Variants in NIPBL observed in about 807,000 individuals in gnomAD.
The protein encoded by NIPBL is nipped-B-like protein.
A neutral mutation model predicts 321.8 loss-of-function variants in NIPBL; 19 were observed. The observed-to-expected ratio is 0.06, with a 90% CI of 0.04 to 0.09. The LOEUF (loss-of-function observed/expected upper bound fraction) is 0.09, where lower values mean the gene tolerates loss of function less well. Ranked by LOEUF, NIPBL falls within the 10% of genes least tolerant of loss-of-function variation. The pLI is 1.00. For missense variants in NIPBL, 2,210 were observed against 3,327.0 expected (o/e 0.66, Z 8.26); for synonymous variants, 1,106 against 1,114.1 (o/e 0.99, Z 0.14).
At chr5:36,957,288 A>T (rs998350865) in intron 3 of NIPBL, among the ~76,000 whole-genome samples, 1 of 152,166 alleles carries the variant, frequency 6.6e-6, no homozygotes, top group Non-Finnish European at 1.5e-5. Context: ...GCACCATGAC[A>T]TTATTTGAGA....
chr5:37,044,524 G>A (rs749898996), intron 35 of NIPBL, 37 bp downstream of exon 35: 2 of 1,602,210 alleles, frequency 1.2e-6, no homozygotes, highest in East Asian at 4.5e-5. Flanking sequence ...ATTCATTAGT[G>A]TAAAGTTCTA....
At chr5:36,899,778 A>T (rs984086415) in intron 1 of NIPBL, among the ~76,000 whole-genome samples, 2 of 152,198 alleles carry the variant, frequency 1.3e-5, no homozygotes, top group African/African-American at 4.8e-5. Flanking sequence ...CTCAAAAATC[A>T]GTCCTGTATT....
At chr5:37,040,076 G>T (rs1450527461) in intron 34 of NIPBL, among the ~76,000 whole-genome samples, 1 of 152,032 alleles carries the variant, frequency 6.6e-6, no homozygotes, top group Admixed American at 6.5e-5. Context: ...CAATGTCACA[G>T]AGCTAAGCAG....
At chr5:36,896,372 A>G (rs970189762) in intron 1 of NIPBL, among the ~76,000 whole-genome samples, 3 of 152,052 alleles carry the variant, frequency 2.0e-5, no homozygotes, top group Admixed American at 2.0e-4. Flanking sequence ...GAGTCCTCCA[A>G]CTTTGTTCTT....
chr5:36,977,602 CT>C (rs879884531), intron 9 of NIPBL, among the ~76,000 whole-genome samples: 286 of 131,324 alleles, frequency 2.2e-3, no homozygotes, highest in Middle Eastern at 4.1e-3. Flanking sequence ...TTTTCTTTGT[CT>C]TTTTTTTTTT....
intron 40 of NIPBL, among the ~76,000 whole-genome samples, chr5:37,049,776 C>T (rs184474440): frequency 2.8e-4 from 43 of 152,218 alleles, no homozygotes; most frequent in Admixed American, 2.4e-3. Context: ...GAGGACACAA[C>T]GACGTAATAA....
chr5:36,922,260 A>G (rs1749006979), intron 1 of NIPBL, among the ~76,000 whole-genome samples: 1 of 152,048 alleles, frequency 6.6e-6, no homozygotes, highest in African/African-American at 2.4e-5. Flanking sequence ...TATTTTTTGT[A>G]TAATGACCTT....
chr5:36,970,932 G>A lies in NIPBL; in HGVS notation c.667G>A (p.Val223Ile), dbSNP rs1294876675. The change falls in exon 7 of 47, where the codon GTT (valine) becomes ATT (isoleucine). Residue 223 changes from valine (V) to isoleucine (I), a missense_variant. Coordinates refer to ENST00000282516, the MANE Select transcript of NIPBL (RefSeq NM_133433.4). ...GGLRNIHDNK[V>I]SGPLSGNSAN... ...TTTGAGAAACATACATGATAATAAAGTTTCTGGTCCGTTGTCTGGCAATTC... is the reference window on the plus strand; with the variant it reads ...TTTGAGAAACATACATGATAATAAAATTTCTGGTCCGTTGTCTGGCAATTC... 6.2e-7 allele frequency: 1 copy of A among 1,613,796 alleles called. No homozygotes were observed. Among genetic ancestry groups the A allele is most frequent in the Non-Finnish European group, 8.5e-7 (1 of 1,179,812 alleles).
intron 1 of NIPBL, among the ~76,000 whole-genome samples, chr5:36,890,535 A>G (rs1401896203): frequency 1.3e-5 from 2 of 152,114 alleles, no homozygotes; most frequent in African/African-American, 4.8e-5. Context: ...TTTACTATAT[A>G]TTTTTAACCT....
chr5:36,970,499 A>G (rs1189142948), intron 6 of NIPBL, among the ~76,000 whole-genome samples: 1 of 151,058 alleles, frequency 6.6e-6, no homozygotes, highest in Non-Finnish European at 1.5e-5. Flanking sequence ...CATCTATATA[A>G]AATTATAATG....
At chr5:36,943,602 A>G (rs913652856) in intron 1 of NIPBL, among the ~76,000 whole-genome samples, 3 of 152,182 alleles carry the variant, frequency 2.0e-5, no homozygotes, top group South Asian at 4.1e-4. Context: ...AATTTGTACT[A>G]AAGCAGAGAT....
Position 36,996,361 on chromosome 5 carries a change from A to G in NIPBL, c.3304+557A>G. The G allele has an allele frequency of 2.2e-6, 1 of 455,128 alleles. No individual in the cohort carries two copies. The highest frequency in any genetic ancestry group is 1.6e-5 in the South Asian group (1 of 64,388). 28.2% of individuals were successfully genotyped at this position (455,128 alleles called of 1,614,324 possible). A position where few individuals can be genotyped will look rare whatever the true frequency, so the allele number is the denominator to read the frequency against. The stretch of plus-strand genomic sequence containing the variant: ...AAATATTTAAAACCATACTATCACT[A>G]AATTATGAATGGATTAGCCACATTG... On this transcript the variant is annotated intron_variant, in intron 11 of 46. Coordinates refer to ENST00000282516, the MANE Select transcript of NIPBL (RefSeq NM_133433.4). The surrounding 1 kb of genome is among the most constrained non-coding windows in gnomAD (Gnocchi z 5.0).
intron 38 of NIPBL, among the ~76,000 whole-genome samples, chr5:37,047,721 T>C (rs1753127375): frequency 2.6e-5 from 4 of 152,244 alleles, no homozygotes; most frequent in African/African-American, 9.6e-5. Context: ...ATAGTTATCC[T>C]GAGTGACCTT....
chr5:36,940,226 G>A (rs531277069), intron 1 of NIPBL, among the ~76,000 whole-genome samples: 1 of 152,112 alleles, frequency 6.6e-6, no homozygotes, highest in Non-Finnish European at 1.5e-5. Flanking sequence ...ATACAGCCTT[G>A]TGTGAAAAGA....
In NIPBL at chr5:36,975,757, T is replaced by C. The variant is rs1743366759; in HGVS notation, c.869-19T>C. On this transcript the variant is annotated intron_variant, in intron 8 of 46. Transcript: ENST00000282516. Reference sequence around the variant, plus strand: ...GTGAAACCACCACAACTGTTACTTCTATCGAATTATTTTTCTAGGCTCAAG... The same window carrying C: ...GTGAAACCACCACAACTGTTACTTCCATCGAATTATTTTTCTAGGCTCAAG... 2 of 1,612,464 alleles carry C rather than the reference T, an allele frequency of 1.2e-6. No homozygotes were observed. The highest frequency in any genetic ancestry group is 2.7e-5 in the African/African-American group (2 of 75,012).
chr5:36,901,967 T>TCCA (rs1747264998), intron 1 of NIPBL, among the ~76,000 whole-genome samples: 6 of 152,328 alleles, frequency 3.9e-5, no homozygotes, highest in Non-Finnish European at 8.8e-5. Flanking sequence ...TGTGCAATGG[T>TCCA]GTCTCATTGT....
intron 1 of NIPBL, among the ~76,000 whole-genome samples, chr5:36,907,054 T>C (rs1036965810): frequency 1.3e-5 from 2 of 152,170 alleles, no homozygotes; most frequent in African/African-American, 2.4e-5. Context: ...ACTTGTTTAG[T>C]TTTTCCGGGT....
In NIPBL at chr5:37,037,183, T is replaced by C. The variant is rs960434668; in HGVS notation, c.5971+696T>C. Reference sequence around the variant, plus strand: ...CGGGCAGATCATGAGGTCAGGAGATTGAGACCATCCTGGCTAACACAATGA... The same window carrying C: ...CGGGCAGATCATGAGGTCAGGAGATCGAGACCATCCTGGCTAACACAATGA... On this transcript the variant is annotated intron_variant, in intron 33 of 46. Coordinates refer to ENST00000282516, the MANE Select transcript of NIPBL (RefSeq NM_133433.4). Among the ~76,000 whole-genome samples, 3 of 151,192 alleles carry C rather than the reference T, an allele frequency of 2.0e-5. No homozygotes were observed. The East Asian group carries it at 5.8e-4, about 29-fold the overall frequency.
chr5:36,986,019 G>C lies in NIPBL; in HGVS notation c.2839G>C (p.Gly947Arg), dbSNP rs1490819178. The C allele has an allele frequency of 6.2e-7, 1 of 1,613,848 alleles. No homozygotes were observed. Among genetic ancestry groups the C allele is most frequent in the African/African-American group, 1.3e-5 (1 of 74,878 alleles). The change falls in exon 10 of 47, where the codon GGG (glycine) becomes CGG (arginine). Residue 947 changes from glycine to arginine, a missense_variant. Coordinates refer to ENST00000282516, the MANE Select transcript of NIPBL (RefSeq NM_133433.4). ...NKAEFPSYLLGGRSGALKNFV... is the reference protein window; with the variant it reads ...NKAEFPSYLLRGRSGALKNFV... Reference sequence around the variant, plus strand: ...GGCAGAATTTCCAAGTTATTTGTTGGGGGGCAGGTCTGGTGCGTTGAAAAA... The same window carrying C: ...GGCAGAATTTCCAAGTTATTTGTTGCGGGGCAGGTCTGGTGCGTTGAAAAA...
Sources: allele counts gnomAD v4.1 joint callset (sites outside exome capture counted in the v4.1 genomes callset), GRCh38; gene constraint gnomAD v4.1.1; non-coding constraint Gnocchi (gnomAD v3.1); transcripts MANE v1.5; gene names NCBI Gene and HGNC (gene_info 2026-07-23, HGNC 2026-07-21).